The following PPP1R26 variants were observed in gnomAD, a reference collection of about 807,000 sequenced individuals.
PPP1R26 encodes 1A6/DRIM (down-regulated in metastasis) interacting protein.
In PPP1R26, 22 loss-of-function variants were observed where a neutral mutation model predicts 67.6. That is an observed-to-expected ratio of 0.33 (90% CI 0.23 to 0.46). The LOEUF (loss-of-function observed/expected upper bound fraction) is 0.46, where lower values mean the gene tolerates loss of function less well. Ranked by LOEUF, PPP1R26 falls within the 20% of genes least tolerant of loss-of-function variation. PPP1R26 has a pLI of 1.00. For missense variants in PPP1R26, 1,602 were observed against 1,651.4 expected (o/e 0.97, Z 0.52); for synonymous variants, 729 against 717.2 (o/e 1.02, Z -0.26).
intron 3 of PPP1R26, 53 bp downstream of exon 3, chr9:135,484,135 G>C: frequency 2.4e-6 from 1 of 416,746 alleles, no homozygotes; most frequent in East Asian, 3.5e-5. Flanking sequence ...GGAGTGAGAA[G>C]GGAAGAGCGG....
In PPP1R26 at chr9:135,485,966, G is replaced by A; in HGVS notation, c.1456G>A (p.Ala486Thr). 2 of 1,613,364 alleles carry A rather than the reference G, an allele frequency of 1.2e-6. No individual in the cohort carries two copies. Among genetic ancestry groups the A allele is most frequent in the Non-Finnish European group, 1.7e-6 (2 of 1,180,046 alleles). ...ATCTGCTGAGCTGATGTGTGCAGAA[G>A]CAATCCTGGACATCTCCAAGACGAT... is the stretch of plus-strand genomic sequence containing the variant. ...DTSAELMCAE[A>T]ILDISKTILP... The change falls in exon 4 of 4, where the codon GCA (alanine) becomes ACA (threonine). Residue 486 changes from alanine (A) to threonine (T), a missense_variant. Physicochemically the swap from Ala to Thr is moderately conservative, Grantham distance 58. Around this residue, in one of 5 missense-constraint regions of PPP1R26, gnomAD observed 680 missense variants for 726.1 expected, o/e 0.94. Coordinates refer to ENST00000356818, the MANE Select transcript of PPP1R26 (RefSeq NM_014811.5). The surrounding 1 kb of genome is among the most constrained non-coding windows in gnomAD (Gnocchi z 7.2).
rs561742596 is a variant in PPP1R26 at position 135,483,714 on chromosome 9, G to T, written c.-195-236G>T. Among the ~76,000 whole-genome samples, 37 of 152,346 alleles carry T rather than the reference G, an allele frequency of 2.4e-4. No homozygotes were observed. The East Asian group carries it at 7.1e-3, about 29-fold the overall frequency. ...GTCCCAAGCTCAGCCCAGCACTTGT[G>T]CTGAGGCAGCCACCTTTGGTCTGAA... On this transcript the variant is annotated intron_variant, in intron 2 of 3. Transcript: ENST00000356818.
chr9:135,479,446 G>T (rs927744773), upstream of PPP1R26, among the ~76,000 whole-genome samples: 2 of 150,998 alleles, frequency 1.3e-5, no homozygotes, highest in Non-Finnish European at 3.0e-5. This position sits in a 1 kb window ranked among gnomAD's most constrained non-coding sequence, Gnocchi z 5.9. Flanking sequence ...CGCCCCCTGC[G>T]CGCCCCCCGG....
Position 135,487,885 on chromosome 9 carries a change from AC to A in PPP1R26, c.3378del (p.Ser1127AlafsTer27). 1 of 1,578,154 alleles carries A rather than the reference AC, an allele frequency of 6.3e-7. No individual in the cohort carries two copies. The highest frequency in any genetic ancestry group is 8.6e-7 in the Non-Finnish European group (1 of 1,163,992). ...CGGCCTTCAGGGAGGCCCAGGCCGG[AC>A]CCAGCCCTGTCTTTGGAAGCCCACA... is the stretch of plus-strand genomic sequence containing the variant. ...FSAFREAQAG[P>X]SPVFGSPHLL... On this transcript the variant is annotated frameshift_variant, in exon 4 of 4. Transcript: ENST00000356818. LOFTEE classifies it high-confidence loss of function.
In PPP1R26 at chr9:135,488,063, G is replaced by C. The variant is rs762786759; in HGVS notation, c.3553G>C (p.Ala1185Pro). 6.3e-7 allele frequency: 1 copy of C among 1,589,642 alleles called. No homozygotes were observed. The highest frequency in any genetic ancestry group is 1.1e-5 in the South Asian group (1 of 87,066). ...CAACAGGGATGACCAGGAGCAGGAC[G>C]CCTTGGGCAGTGACGCCAGTGACTT... ...RVNRDDQEQDALGSDASDFSD... is the reference protein window; with the variant it reads ...RVNRDDQEQDPLGSDASDFSD... Residue 1185 changes from alanine (A) to proline (P), a missense_variant, in exon 4 of 4, where the codon GCC becomes CCC. This residue lies in a region of PPP1R26 where 740 missense variants were observed against 696.3 expected (regional missense o/e 1.06). Coordinates refer to ENST00000356818, the MANE Select transcript of PPP1R26 (RefSeq NM_014811.5).
Position 135,485,057 on chromosome 9 carries a change from A to G in PPP1R26, c.547A>G (p.Thr183Ala). 6.2e-7 allele frequency: 1 copy of G among 1,605,640 alleles called. No homozygotes were observed. Among genetic ancestry groups the G allele is most frequent in the Non-Finnish European group, 8.5e-7 (1 of 1,176,624 alleles). Reference protein sequence around the residue: ...KPEPAHGSAPTALCPPKLVPG... With the variant: ...KPEPAHGSAPAALCPPKLVPG... ...GGAACCGGCTCACGGCAGTGCCCCG[A>G]CTGCCCTGTGTCCCCCAAAACTTGT... Residue 183 changes from threonine to alanine, a missense_variant, in exon 4 of 4, where the codon ACT becomes GCT. Physicochemically the swap from Thr to Ala is moderately conservative, Grantham distance 58. Transcript: ENST00000356818. The surrounding 1 kb of genome is among the most constrained non-coding windows in gnomAD (Gnocchi z 7.2).
rs1439077305 is a variant in PPP1R26 at position 135,483,992 on chromosome 9, G to A, written c.-153G>A. ...CAAGAATGAACCTACGCATGACGGC[G>A]TGCTGATCCTGGGTTTCTAGTCATC... On this transcript the variant is annotated 5_prime_UTR_variant, in exon 3 of 4. In the 5' UTR this introduces an upstream ATG that the reference lacks. Coordinates refer to ENST00000356818, the MANE Select transcript of PPP1R26 (RefSeq NM_014811.5). The A allele has an allele frequency of 1.5e-5, 6 of 400,928 alleles. No homozygotes were observed. Among genetic ancestry groups the A allele is most frequent in the South Asian group, 1.2e-4 (1 of 8,006 alleles). 24.8% of individuals were successfully genotyped at this position (400,928 alleles called of 1,614,324 possible).
chr9:135,485,920 G>T lies in PPP1R26; in HGVS notation c.1410G>T (p.Arg470=), dbSNP rs1357665384. Residue 470 remains arginine (R), a synonymous_variant, in exon 4 of 4, where the codon CGG becomes CGT. Coordinates refer to ENST00000356818, the MANE Select transcript of PPP1R26 (RefSeq NM_014811.5). This position sits in a 1 kb window ranked among gnomAD's most constrained non-coding sequence, Gnocchi z 7.2. ...SPASRSEFVE[R]SSCRADTSAE... Reference sequence around the variant, plus strand: ...CTTCCAGGAGTGAGTTTGTGGAACGGTCCTCGTGCCGGGCGGACACATCTG... The same window carrying T: ...CTTCCAGGAGTGAGTTTGTGGAACGTTCCTCGTGCCGGGCGGACACATCTG... 1.2e-6 allele frequency: 2 copies of T among 1,613,402 alleles called. No individual in the cohort carries two copies. Among genetic ancestry groups the T allele is most frequent in the African/African-American group, 1.3e-5 (1 of 74,908 alleles).
At chr9:135,479,592 G>T, upstream of PPP1R26, 1 of 146,052 alleles carries the variant, frequency 6.8e-6, no homozygotes, top group South Asian at 2.0e-4. This position sits in a 1 kb window ranked among gnomAD's most constrained non-coding sequence, Gnocchi z 5.9. Flanking sequence ...CGGGCGCGGC[G>T]GCAGGTGGGC....
At position 135,484,384 on chromosome 9, in the gene PPP1R26, G is replaced by T. The variant is rs547817948; in HGVS notation, c.-62-65G>T. On this transcript the variant is annotated intron_variant, in intron 3 of 3. Coordinates refer to ENST00000356818, the MANE Select transcript of PPP1R26 (RefSeq NM_014811.5). ...CGACATGCTGTTCCTCTGGGGCCTCGCTTGGTGTTGGCAGCTATCGCTGTT... is the reference window on the plus strand; with the variant it reads ...CGACATGCTGTTCCTCTGGGGCCTCTCTTGGTGTTGGCAGCTATCGCTGTT... 39 of 898,998 alleles carry T rather than the reference G, an allele frequency of 4.3e-5. No homozygotes were observed. In the South Asian group the frequency reaches 6.2e-4, roughly 14 times the overall value. The allele number at this position is 898,998 out of a possible 1,614,324, so 55.7% of individuals were successfully genotyped here.
chr9:135,480,289 G>A (rs1830466624), intron 1 of PPP1R26: 1 of 152,118 alleles, frequency 6.6e-6, no homozygotes, highest in Non-Finnish European at 1.5e-5. Flanking sequence ...GAGGGCCCGC[G>A]GTGGGGAGCT....
upstream of PPP1R26, chr9:135,479,759 G>GCCCCGCC (rs1439419015): frequency 1.8e-4 from 26 of 143,778 alleles, no homozygotes; most frequent in South Asian, 4.6e-3. This position sits in a 1 kb window ranked among gnomAD's most constrained non-coding sequence, Gnocchi z 5.9. Flanking sequence ...TGGGGGGGTC[G>GCCCCGCC]CCCCGCCCCC....
intron 3 of PPP1R26, 22 bp downstream of exon 3, chr9:135,484,104 T>A: frequency 2.4e-6 from 1 of 414,158 alleles, no homozygotes; most frequent in Admixed American, 3.9e-5. Context: ...CTCTCCCCTC[T>A]TACAGAGAAG....
chr9:135,484,390 T>G, intron 3 of PPP1R26, 59 bp from the exon 4 acceptor site: 1 of 943,784 alleles, frequency 1.1e-6, no homozygotes, highest in Non-Finnish European at 1.6e-6. Flanking sequence ...CCTCGCTTGG[T>G]GTTGGCAGCT....
At position 135,486,559 on chromosome 9, in the gene PPP1R26, A is replaced by G. The variant is rs1385842723; in HGVS notation, c.2049A>G (p.Lys683=). The change falls in exon 4 of 4, where the codon AAA becomes AAG. Residue 683 remains lysine, a synonymous_variant. Transcript: ENST00000356818. The surrounding 1 kb of genome is among the most constrained non-coding windows in gnomAD (Gnocchi z 6.2). Reference sequence around the variant, plus strand: ...ACGAGAAAGAGAGCTCTGAAGACAAAAGCAGCTCCCTGGACAGTGACGAGG... The same window carrying G: ...ACGAGAAAGAGAGCTCTGAAGACAAGAGCAGCTCCCTGGACAGTGACGAGG... ...RLDEKESSED[K]SSSLDSDEDL... is the part of the protein sequence containing the mutation. 11 of 1,612,136 alleles carry G rather than the reference A, an allele frequency of 6.8e-6. No individual in the cohort carries two copies. The highest frequency in any genetic ancestry group is 9.3e-6 in the Non-Finnish European group (11 of 1,179,978).
Position 135,486,156 on chromosome 9 carries a change from G to T in PPP1R26, c.1646G>T (p.Gly549Val), listed in dbSNP as rs756566023. Residue 549 changes from glycine (G) to valine (V), a missense_variant, in exon 4 of 4, where the codon GGG (glycine) becomes GTG (valine). Physicochemically the swap from Gly to Val is moderately radical, Grantham distance 109 (BLOSUM62 -3). Coordinates refer to ENST00000356818, the MANE Select transcript of PPP1R26 (RefSeq NM_014811.5). The surrounding 1 kb of genome is among the most constrained non-coding windows in gnomAD (Gnocchi z 6.2). ...RTFLALKAQS[G>V]SLLARGESCP... ...TTTTTGGCCCTAAAGGCGCAGTCAG[G>T]GAGTTTGCTGGCCAGAGGTGAGAGC... 6 of 1,612,910 alleles carry T rather than the reference G, an allele frequency of 3.7e-6. No individual in the cohort carries two copies. Among genetic ancestry groups the T allele is most frequent in the South Asian group, 1.1e-5 (1 of 91,080 alleles).
chr9:135,486,709 G>A lies in PPP1R26; in HGVS notation c.2199G>A (p.Glu733=), dbSNP rs772629712. The A allele has an allele frequency of 1.3e-6, 2 of 1,584,754 alleles. No homozygotes were observed. Among genetic ancestry groups the A allele is most frequent in the Non-Finnish European group, 8.6e-7 (1 of 1,166,068 alleles). Residue 733 remains glutamate, a synonymous_variant, in exon 4 of 4, where the codon GAG becomes GAA. Transcript: ENST00000356818. The surrounding 1 kb of genome is among the most constrained non-coding windows in gnomAD (Gnocchi z 6.2). The stretch of plus-strand genomic sequence containing the variant: ...GCACAGCCCAGACGCACTTCTTGGA[G>A]CAGCTGGGCGGGCTCCGGAGAGACT... ...RFSTAQTHFL[E]QLGGLRRDWK... is the part of the protein sequence containing the mutation.
Position 135,487,850 on chromosome 9 carries a change from C to T in PPP1R26, c.3340C>T (p.Pro1114Ser). The T allele has an allele frequency of 6.3e-7, 1 of 1,594,072 alleles. No individual in the cohort carries two copies. The highest frequency in any genetic ancestry group is 8.5e-7 in the Non-Finnish European group (1 of 1,172,102). ...CCACCTGGGGCTGCCTCTGCAGGGC[C>T]CCTCCTTCTCGGCCTTCAGGGAGGC... Reference protein sequence around the residue: ...SPHLGLPLQGPSFSAFREAQA... With the variant: ...SPHLGLPLQGSSFSAFREAQA... Residue 1114 changes from proline to serine, a missense_variant, in exon 4 of 4, where the codon CCC becomes TCC. This residue lies in a region of PPP1R26 where 740 missense variants were observed against 696.3 expected (regional missense o/e 1.06). Transcript: ENST00000356818.
Position 135,483,947 on chromosome 9 carries a change from C to T in PPP1R26, c.-195-3C>T, listed in dbSNP as rs1830610697. 1.8e-5 allele frequency: 7 copies of T among 398,962 alleles called. No individual in the cohort carries two copies. The highest frequency in any genetic ancestry group is 3.1e-5 in the Non-Finnish European group (7 of 226,400). 24.7% of individuals were successfully genotyped at this position (398,962 alleles called of 1,614,324 possible). A position where few individuals can be genotyped will look rare whatever the true frequency, so the allele number is the denominator to read the frequency against. On this transcript the variant is annotated splice_region_variant and splice_polypyrimidine_tract_variant and intron_variant, in intron 2 of 3. Coordinates refer to ENST00000356818, the MANE Select transcript of PPP1R26 (RefSeq NM_014811.5). ...GCTCACATCATACAACTTTCCGTTC[C>T]AGGAGCTTGTCGGTTGGGTCAAGAA...
Sources: allele counts gnomAD v4.1 joint callset (sites outside exome capture counted in the v4.1 genomes callset), GRCh38; gene constraint gnomAD v4.1.1; regional missense constraint gnomAD v4.1.1; non-coding constraint Gnocchi (gnomAD v3.1); transcripts MANE v1.5; gene names NCBI Gene and HGNC (gene_info 2026-07-23, HGNC 2026-07-21).